GRIA4: variants seen among roughly 807,000 people sequenced by gnomAD.
The protein encoded by GRIA4 is glutamate ionotropic receptor AMPA type subunit 4, also known as glutamate receptor 4.
Under a neutral mutation model 104.0 loss-of-function variants are expected in GRIA4, and 34 were observed. The ratio of observed to expected loss-of-function variants is 0.33; its 90% CI spans 0.25 to 0.44. The LOEUF (loss-of-function observed/expected upper bound fraction) is 0.44. Ranked by LOEUF, GRIA4 falls within the 20% of genes least tolerant of loss-of-function variation. The probability of loss-of-function intolerance (pLI) is 1.00; values close to 1 mark genes in which losing one functional copy is unlikely to be tolerated. For synonymous variants in GRIA4, 386 were observed against 381.9 expected, an observed-to-expected ratio of 1.01 and a Z score of -0.13; for missense variants, 750 against 1,096.5, an observed-to-expected ratio of 0.68 and a Z score of 4.46.
At chr11:105,829,271 A>G (rs1943886257) in intron 4 of GRIA4, among the ~76,000 whole-genome samples, 1 of 151,950 alleles carries the variant, frequency 6.6e-6, no homozygotes, top group Non-Finnish European at 1.5e-5. Flanking sequence ...CTGAAACATC[A>G]AGTCCCTTCT....
At chr11:105,763,821 C>A (rs569429217) in intron 4 of GRIA4, among the ~76,000 whole-genome samples, 44 of 152,254 alleles carry the variant, frequency 2.9e-4, no homozygotes, top group Middle Eastern at 3.4e-3. Flanking sequence ...TGATACCCTG[C>A]CAAAAAGGAT....
At chr11:105,632,570 A>G (rs1951061979) in intron 3 of GRIA4, among the ~76,000 whole-genome samples, 1 of 152,198 alleles carries the variant, frequency 6.6e-6, no homozygotes, top group Non-Finnish European at 1.5e-5. Context: ...TAAGTTATAA[A>G]TTAATGGGAA....
At chr11:105,906,602 C>T (rs2155019) in intron 9 of GRIA4, among the ~76,000 whole-genome samples, 12,168 of 152,214 alleles carry the variant, frequency 0.08, 725 homozygotes, top group Admixed American at 0.18. Context: ...CCGTGAAAAC[C>T]ATCTCTAGAT....
chr11:105,726,718 C>T (rs1938235349), intron 3 of GRIA4, among the ~76,000 whole-genome samples: 1 of 152,126 alleles, frequency 6.6e-6, no homozygotes, highest in Admixed American at 6.5e-5. Context: ...TCTGCAGCCT[C>T]CACTGGTGAT....
intron 4 of GRIA4, among the ~76,000 whole-genome samples, chr11:105,806,339 G>A (rs980872226): frequency 6.6e-6 from 1 of 151,860 alleles, no homozygotes; most frequent in Non-Finnish European, 1.5e-5. Flanking sequence ...GATCAGAACA[G>A]AGAGATAGAA....
intron 3 of GRIA4, among the ~76,000 whole-genome samples, chr11:105,690,311 G>T (rs931397740): frequency 1.3e-5 from 2 of 151,976 alleles, no homozygotes; most frequent in East Asian, 3.9e-4. Context: ...TCCTTAACCC[G>T]GCTCAAATTC....
intron 4 of GRIA4, among the ~76,000 whole-genome samples, chr11:105,825,781 T>C (rs1443697778): frequency 1.3e-5 from 2 of 152,024 alleles, no homozygotes; most frequent in African/African-American, 4.8e-5. Context: ...TACTAACACC[T>C]CTCTATTTGT....
intron 4 of GRIA4, among the ~76,000 whole-genome samples, chr11:105,814,002 A>G (rs1943279422): frequency 6.6e-6 from 1 of 152,182 alleles, no homozygotes; most frequent in East Asian, 1.9e-4. Flanking sequence ...AAGAACAACA[A>G]TAGCAACAAC....
At chr11:105,797,457 G>A (rs1050194558) in intron 4 of GRIA4, among the ~76,000 whole-genome samples, 3 of 151,890 alleles carry the variant, frequency 2.0e-5, no homozygotes, top group Non-Finnish European at 2.9e-5. Flanking sequence ...GTTAGCATTC[G>A]GGCCTAAGGT....
intron 14 of GRIA4, among the ~76,000 whole-genome samples, chr11:105,948,589 C>CTTTTTTT (rs1383366276): frequency 3.6e-5 from 4 of 111,212 alleles, no homozygotes; most frequent in African/African-American, 1.3e-4. Flanking sequence ...CTTTTCTTTT[C>CTTTTTTT]TTTTTGTTTT....
intron 4 of GRIA4, among the ~76,000 whole-genome samples, chr11:105,764,813 GA>G (rs1162175839): frequency 6.6e-6 from 1 of 151,916 alleles, no homozygotes; most frequent in African/African-American, 2.4e-5. Context: ...AAAAGCTTTA[GA>G]GAGGGAATTT....
chr11:105,666,685 C>CT (rs1952175501), intron 3 of GRIA4, among the ~76,000 whole-genome samples: 1 of 151,790 alleles, frequency 6.6e-6, no homozygotes, highest in Non-Finnish European at 1.5e-5. Context: ...AAAAGAATAG[C>CT]TAAATACACG....
chr11:105,951,864 A>C (rs1338294210), intron 14 of GRIA4, among the ~76,000 whole-genome samples: 1 of 152,088 alleles, frequency 6.6e-6, no homozygotes, highest in African/African-American at 2.4e-5. Flanking sequence ...CAGGAGGCTG[A>C]GGTGGGAGGA....
chr11:105,857,136 G>A (rs1435628674), intron 4 of GRIA4, among the ~76,000 whole-genome samples: 1 of 152,088 alleles, frequency 6.6e-6, no homozygotes, highest in Non-Finnish European at 1.5e-5. Flanking sequence ...CTTTGAACAT[G>A]TTATTTCAGT....
At chr11:105,746,835 G>A (rs1268994432) in intron 3 of GRIA4, among the ~76,000 whole-genome samples, 1 of 152,012 alleles carries the variant, frequency 6.6e-6, no homozygotes, top group Non-Finnish European at 1.5e-5. Flanking sequence ...CTTCCCTTGG[G>A]GAGGTTTACA....
intron 4 of GRIA4, among the ~76,000 whole-genome samples, chr11:105,823,252 G>A (rs986094480): frequency 2.6e-5 from 4 of 152,052 alleles, no homozygotes; most frequent in African/African-American, 9.7e-5. Flanking sequence ...TCTGACTTAT[G>A]GAACACAGCT....
chr11:105,668,195 TATACACAC>T (rs773409508), intron 3 of GRIA4, among the ~76,000 whole-genome samples: 3 of 113,126 alleles, frequency 2.7e-5, no homozygotes, highest in Non-Finnish European at 5.7e-5. Flanking sequence ...CTCCATTGCA[TATACACAC>T]ACACACACAC....
intron 14 of GRIA4, among the ~76,000 whole-genome samples, chr11:105,947,926 A>T (rs1366564190): frequency 2.0e-5 from 3 of 152,180 alleles, no homozygotes; most frequent in Non-Finnish European, 2.9e-5. Context: ...CTTCACTTAG[A>T]ATCTCATAAA....
intron 3 of GRIA4, among the ~76,000 whole-genome samples, chr11:105,623,583 T>G (rs1388584320): frequency 6.6e-6 from 1 of 152,040 alleles, no homozygotes; most frequent in Non-Finnish European, 1.5e-5. Flanking sequence ...CCCTTGTACC[T>G]GCCATTCCCT....
Sources: allele counts gnomAD v4.1 joint callset (sites outside exome capture counted in the v4.1 genomes callset), GRCh38; gene constraint gnomAD v4.1.1; transcripts MANE v1.5; gene names NCBI Gene and HGNC (gene_info 2026-07-23, HGNC 2026-07-21).